The following AKR1B15 variants were observed in gnomAD, a reference collection of about 807,000 sequenced individuals.
The protein encoded by AKR1B15 is estradiol 17-beta-dehydrogenase AKR1B15.
AKR1B15 carries 49 observed loss-of-function variants against 38.5 expected under a neutral mutation model. The observed-to-expected ratio is 1.27, with a 90% CI of 1.01 to 1.62. The LOEUF (loss-of-function observed/expected upper bound fraction) is 1.62, where lower values mean the gene tolerates loss of function less well. Ranked by LOEUF, AKR1B15 falls within the 40% of genes most tolerant of loss-of-function variation. AKR1B15 has a pLI of 0.00. For synonymous variants in AKR1B15, 137 were observed against 135.5 expected (o/e 1.01, Z -0.08); for missense variants, 411 against 381.6 (o/e 1.08, Z -0.64).
At position 134,577,767 on chromosome 7, in the gene AKR1B15, AG is replaced by A. The variant is rs1444729090; in HGVS notation, c.976del (p.Ala326ProfsTer36). The A allele has an allele frequency of 6.2e-7, 1 of 1,613,832 alleles. No individual in the cohort carries two copies. Among genetic ancestry groups the A allele is most frequent in the African/African-American group, 1.3e-5 (1 of 74,932 alleles). On this transcript the variant is annotated frameshift_variant, in exon 11 of 12. Transcript: ENST00000457545. LOFTEE classifies it low-confidence loss of function (END_TRUNC). Reference sequence around the variant, plus strand: ...CATACTCAGCTTCAACAGAAACTGGAGGGCCTTTGACTTCAAGGAGTAAGTG... The same window carrying A: ...CATACTCAGCTTCAACAGAAACTGGAGGCCTTTGACTTCAAGGAGTAAGTG... ...ATILSFNRNW[R>X]AFDFKEFSHL...
At chr7:134,572,284 C>A (rs963770878) in intron 6 of AKR1B15, among the ~76,000 whole-genome samples, 6 of 152,132 alleles carry the variant, frequency 3.9e-5, no homozygotes, top group African/African-American at 1.4e-4. Flanking sequence ...TAGACCCAGA[C>A]TCATCTGAAT....
At chr7:134,562,881 T>C (rs1425805339) in intron 2 of AKR1B15, among the ~76,000 whole-genome samples, 2 of 132,882 alleles carry the variant, frequency 1.5e-5, no homozygotes, top group South Asian at 4.6e-4. Flanking sequence ...TTTCTTTCTT[T>C]CTTTCTTTCC....
chr7:134,552,706 T>C (rs1042386853), intron 1 of AKR1B15, among the ~76,000 whole-genome samples: 2 of 152,106 alleles, frequency 1.3e-5, no homozygotes, highest in African/African-American at 4.8e-5. Context: ...CCAGAACATA[T>C]GGTGTACACT....
intron 2 of AKR1B15, among the ~76,000 whole-genome samples, chr7:134,563,773 A>T (rs1345739882): frequency 6.6e-6 from 1 of 152,196 alleles, no homozygotes; most frequent in East Asian, 1.9e-4. Context: ...AATGGTTCCT[A>T]GTAGATACAA....
intron 4 of AKR1B15, among the ~76,000 whole-genome samples, chr7:134,568,700 C>T (rs1250307354): frequency 5.9e-5 from 9 of 152,076 alleles, no homozygotes; most frequent in African/African-American, 2.2e-4. Context: ...AGGTTCTCAG[C>T]CAGGGGGTAT....
At chr7:134,569,292 C>G in intron 4 of AKR1B15, 121 bp from the exon 5 acceptor site, 3 of 1,133,252 alleles carry the variant, frequency 2.6e-6, no homozygotes, top group Non-Finnish European at 3.9e-6. Context: ...TCTTAATCAG[C>G]TTTGTTATAG....
intron 3 of AKR1B15, among the ~76,000 whole-genome samples, chr7:134,566,298 G>A (rs918397483): frequency 6.6e-6 from 1 of 152,100 alleles, no homozygotes. Context: ...CCGTGTAAGA[G>A]AAAGAAAGAA....
At chr7:134,574,911 G>A (rs1212284607) in intron 6 of AKR1B15, among the ~76,000 whole-genome samples, 1 of 152,164 alleles carries the variant, frequency 6.6e-6, no homozygotes, top group Non-Finnish European at 1.5e-5. Context: ...CATGGTTGGT[G>A]TGGGAGACAG....
intron 6 of AKR1B15, among the ~76,000 whole-genome samples, chr7:134,574,095 A>G (rs1213348851): frequency 5.3e-5 from 8 of 151,984 alleles, no homozygotes; most frequent in Non-Finnish European, 1.2e-4. Context: ...GAGTCTTGCT[A>G]TGTTGCCCAG....
chr7:134,571,573 T>C (rs1208675516), intron 5 of AKR1B15, 31 bp from the exon 6 acceptor site: 1 of 1,557,306 alleles, frequency 6.4e-7, no homozygotes, highest in East Asian at 2.2e-5. Flanking sequence ...CTGATGCAGA[T>C]TCCAGTAAAC....
chr7:134,570,393 T>C (rs1272949988), intron 5 of AKR1B15: 1 of 152,088 alleles, frequency 6.6e-6, no homozygotes, highest in Non-Finnish European at 1.5e-5. Context: ...CCTTGTGAAG[T>C]AGGTCATCTC....
At chr7:134,561,768 C>T (rs972868542) in intron 2 of AKR1B15, among the ~76,000 whole-genome samples, 28 of 147,076 alleles carry the variant, frequency 1.9e-4, no homozygotes, top group African/African-American at 6.0e-4. Flanking sequence ...CATGTCACAG[C>T]ATGGCACAGG....
At chr7:134,553,119 A>G (rs772573880) in intron 1 of AKR1B15, among the ~76,000 whole-genome samples, 1 of 152,176 alleles carries the variant, frequency 6.6e-6, no homozygotes, top group South Asian at 2.1e-4. Flanking sequence ...GGCACTCACC[A>G]GTGCTCGAAA....
At chr7:134,568,619 G>A (rs1362991488) in intron 4 of AKR1B15, among the ~76,000 whole-genome samples, 1 of 152,134 alleles carries the variant, frequency 6.6e-6, no homozygotes, top group Non-Finnish European at 1.5e-5. Flanking sequence ...GCAGTCACAG[G>A]CCAAGGGTGC....
chr7:134,576,803 G>A (rs796544233), intron 9 of AKR1B15, among the ~76,000 whole-genome samples, 160 bp from the exon 10 acceptor site: 51 of 151,950 alleles, frequency 3.4e-4, no homozygotes, highest in African/African-American at 1.1e-3. Flanking sequence ...AGAGAAAGAG[G>A]TGGGGGTCTG....
At chr7:134,565,359 G>GA (rs1249950275) in intron 3 of AKR1B15, 4 of 1,499,120 alleles carry the variant, frequency 2.7e-6, no homozygotes, top group Non-Finnish European at 3.7e-6. Context: ...CACACACTGT[G>GA]AAGGTCCACG....
In AKR1B15 at chr7:134,575,530, A is replaced by G. The variant is rs530499864; in HGVS notation, c.624A>G (p.Pro208=). The G allele has an allele frequency of 6.2e-7, 1 of 1,613,894 alleles. No homozygotes were observed. The highest frequency in any genetic ancestry group is 1.1e-5 in the South Asian group (1 of 91,062). The change falls in exon 7 of 12, where the codon CCA becomes CCG. Residue 208 remains proline, a synonymous_variant. Transcript: ENST00000457545. ...LLNKPGLKYK[P]VTNQVECHPY... is the part of the protein sequence containing the mutation. ...ACAAACCTGGACTGAAATATAAACC[A>G]GTGACTAACCAGGTAAATTCTATTC...
intron 6 of AKR1B15, 138 bp downstream of exon 6, chr7:134,571,819 C>T (rs901107856): frequency 1.4e-6 from 1 of 729,056 alleles, no homozygotes; most frequent in South Asian, 1.8e-5. Context: ...CTAATATCCT[C>T]CTCATCACCT....
chr7:134,557,771 G>A (rs56242442), intron 2 of AKR1B15, among the ~76,000 whole-genome samples: 78,640 of 151,922 alleles, frequency 0.52, 20,499 homozygotes, highest in African/African-American at 0.57. Context: ...GTAAAAAGAT[G>A]TGTAGCCCCT....
Sources: gnomAD v4.1 joint callset for allele counts (sites outside exome capture counted in the v4.1 genomes callset) on GRCh38, gnomAD v4.1.1 for gene constraint, MANE v1.5 for transcripts, NCBI Gene and HGNC (gene_info 2026-07-23, HGNC 2026-07-21) for gene names.